Variants in EPRS1 observed in about 807,000 individuals in gnomAD.
EPRS1 encodes bifunctional glutamate/proline--tRNA ligase.
Under a neutral mutation model 188.3 loss-of-function variants are expected in EPRS1, and 107 were observed. The observed-to-expected ratio is 0.57, with a 90% CI of 0.49 to 0.67. The LOEUF (loss-of-function observed/expected upper bound fraction) is 0.67, where lower values mean the gene tolerates loss of function less well. Among genes scored for constraint, EPRS1 ranks in the 30% least tolerant of loss-of-function variants. The probability of loss-of-function intolerance (pLI) is 0.00; values close to 1 mark genes in which losing one functional copy is unlikely to be tolerated. For synonymous variants in EPRS1, 596 were observed against 593.1 expected, an observed-to-expected ratio of 1.00 and a Z score of -0.07; for missense variants, 1,577 against 1,802.2, an observed-to-expected ratio of 0.88 and a Z score of 2.26.
chr1:219,986,405 CTGAA>C (rs1203236967), intron 20 of EPRS1, among the ~76,000 whole-genome samples: 1 of 152,162 alleles, frequency 6.6e-6, no homozygotes, highest in African/African-American at 2.4e-5. Flanking sequence ...AGCAACATTA[CTGAA>C]TATCAATAAT....
chr1:219,975,325 TC>T (rs762864689), intron 28 of EPRS1, among the ~76,000 whole-genome samples: 2 of 152,178 alleles, frequency 1.3e-5, no homozygotes, highest in African/African-American at 2.4e-5. Context: ...GGGTGACTAA[TC>T]TAATAAATTC....
chr1:219,973,683 A>G (rs1053639441), intron 28 of EPRS1, among the ~76,000 whole-genome samples: 1 of 152,248 alleles, frequency 6.6e-6, no homozygotes, highest in Non-Finnish European at 1.5e-5. Flanking sequence ...TTCTCACAAA[A>G]TAGCATCCAG....
At chr1:220,045,761 C>T (rs1392969187) in intron 1 of EPRS1, among the ~76,000 whole-genome samples, 1 of 152,138 alleles carries the variant, frequency 6.6e-6, no homozygotes, top group Non-Finnish European at 1.5e-5. Context: ...CCCAATTACC[C>T]TACCACATTT....
At chr1:220,041,652 C>A (rs1571702003) in intron 1 of EPRS1, among the ~76,000 whole-genome samples, 1 of 152,044 alleles carries the variant, frequency 6.6e-6, no homozygotes, top group Non-Finnish European at 1.5e-5. Context: ...ACCAGCCTGA[C>A]CAACATGGAG....
At chr1:220,007,098 A>C (rs1661503470) in intron 14 of EPRS1, 104 bp downstream of exon 14, 1 of 965,106 alleles carries the variant, frequency 1.0e-6, no homozygotes, top group Admixed American at 3.1e-5. Context: ...CAGATTTACT[A>C]GTCAGCAACA....
intron 16 of EPRS1, among the ~76,000 whole-genome samples, chr1:220,002,145 C>A (rs1661365757): frequency 6.6e-6 from 1 of 151,770 alleles, no homozygotes. Context: ...GCCTGGCCAA[C>A]ATGGTGAAAC....
At chr1:220,034,293 T>C (rs1042198781) in intron 3 of EPRS1, among the ~76,000 whole-genome samples, 3 of 152,198 alleles carry the variant, frequency 2.0e-5, no homozygotes, top group African/African-American at 4.8e-5. Context: ...CTTGCCAGTA[T>C]AGGTTTGTAG....
At chr1:220,007,360 A>C in intron 13 of EPRS1, 22 bp from the exon 14 acceptor site, 2 of 1,599,342 alleles carry the variant, frequency 1.3e-6, no homozygotes, top group Non-Finnish European at 1.7e-6. Flanking sequence ...AGAAAAGCAG[A>C]GTGTCTGTTG....
intron 20 of EPRS1, 94 bp from the exon 21 acceptor site, chr1:219,984,351 C>A: frequency 2.4e-6 from 2 of 835,064 alleles, no homozygotes; most frequent in Non-Finnish European, 4.1e-6. Context: ...ATAGATTAGT[C>A]TTTCTTCAGT....
Position 219,968,960 on chromosome 1 carries a change from A to C in EPRS1, c.4389-4T>G. The C allele has an allele frequency of 1.2e-6, 2 of 1,614,022 alleles. No homozygotes were observed. The highest frequency in any genetic ancestry group is 2.2e-5 in the South Asian group (2 of 91,074). On this transcript the variant is annotated splice_polypyrimidine_tract_variant and splice_region_variant and intron_variant, in intron 31 of 31. Coordinates refer to ENST00000366923, the MANE Select transcript of EPRS1 (RefSeq NM_004446.3). ...ACCAGGTTCAAGATCTTGATCCCTG[A>C]AATTAATAACAAATAAGAATTCCAC...
chr1:219,980,311 C>T, intron 25 of EPRS1, 71 bp from the exon 26 acceptor site: 1 of 1,122,112 alleles, frequency 8.9e-7, no homozygotes, highest in Admixed American at 2.1e-5. Context: ...TAAAACTGCA[C>T]TACTTAAGAC....
At chr1:220,010,817 AAAAAAAAAGAAAG>A (rs1558054516) in intron 13 of EPRS1, 116 bp downstream of exon 13, 2 of 595,262 alleles carry the variant, frequency 3.4e-6, no homozygotes, top group South Asian at 1.9e-5. Context: ...TCAAAAAAAA[AAAAAAAAAGAAAG>A]AAAGAAAGAA....
At chr1:220,007,115 G>T in intron 14 of EPRS1, 87 bp downstream of exon 14, 1 of 1,171,954 alleles carries the variant, frequency 8.5e-7, no homozygotes, top group Non-Finnish European at 1.2e-6. Flanking sequence ...AACATGTATG[G>T]GTCTGAATTT....
At chr1:219,972,700 A>C (rs1660692346) in intron 29 of EPRS1, among the ~76,000 whole-genome samples, 1 of 152,136 alleles carries the variant, frequency 6.6e-6, no homozygotes, top group Non-Finnish European at 1.5e-5. Flanking sequence ...GACTACCTTG[A>C]GATCTATGAT....
At position 220,020,046 on chromosome 1, in the gene EPRS1, T is replaced by C. The variant is rs1285798769; in HGVS notation, c.1291A>G (p.Thr431Ala). The change falls in exon 10 of 32, where the codon ACA (threonine) becomes GCA (alanine). Residue 431 changes from threonine (T) to alanine (A), a missense_variant. By Grantham distance (58) the Thr-to-Ala change is moderately conservative. Transcript: ENST00000366923. ...WEYSRLNLNN[T>A]VLSKRKLTWF... ...GTGAGTTTTCTTTTGGATAGCACTG[T>C]GTTGTTGAGATTTAGCCGACTATAT... The C allele has an allele frequency of 6.2e-7, 1 of 1,613,972 alleles. No homozygotes were observed. Among genetic ancestry groups the C allele is most frequent in the Non-Finnish European group, 8.5e-7 (1 of 1,179,962 alleles).
chr1:219,969,565 C>T lies in EPRS1; in HGVS notation c.4324-443G>A, dbSNP rs765584363. On this transcript the variant is annotated intron_variant, in intron 30 of 31. Coordinates refer to ENST00000366923, the MANE Select transcript of EPRS1 (RefSeq NM_004446.3). ...TGTTAACAGCAACAATTAACAATCA[C>T]GCAAATTTCACTTTATGCCACAATG... is the stretch of plus-strand genomic sequence containing the variant. 9.2e-5 allele frequency among the ~76,000 whole-genome samples: 14 copies of T among 151,528 alleles called. 1 individual carries two copies. The South Asian group carries it at 2.1e-3, about 23-fold the overall frequency.
intron 1 of EPRS1, among the ~76,000 whole-genome samples, chr1:220,042,016 C>T (rs1193417628): frequency 6.6e-6 from 1 of 151,922 alleles, no homozygotes; most frequent in East Asian, 1.9e-4. Context: ...AGAGTCTCTA[C>T]TAAAAATACT....
chr1:220,038,532 C>T (rs1235059933), intron 2 of EPRS1, among the ~76,000 whole-genome samples: 1 of 151,202 alleles, frequency 6.6e-6, no homozygotes, highest in East Asian at 2.0e-4. Flanking sequence ...GCTGGGAGTA[C>T]ACCCAGCTAA....
intron 4 of EPRS1, 86 bp downstream of exon 4, chr1:220,033,416 C>G: frequency 2.2e-6 from 2 of 917,024 alleles, no homozygotes; most frequent in South Asian, 3.3e-5. Context: ...CATATACATA[C>G]ATGCATACAC....
Sources: allele counts gnomAD v4.1 joint callset (sites outside exome capture counted in the v4.1 genomes callset), GRCh38; gene constraint gnomAD v4.1.1; transcripts MANE v1.5; gene names NCBI Gene and HGNC (gene_info 2026-07-23, HGNC 2026-07-21).